The following ERCC1 variants were observed in gnomAD, a reference collection of about 807,000 sequenced individuals.
ERCC1 encodes the protein DNA excision repair protein ERCC-1.
ERCC1 carries 36 observed loss-of-function variants against 37.6 expected under a neutral mutation model. The ratio of observed to expected loss-of-function variants is 0.96; its 90% CI spans 0.73 to 1.26. The LOEUF (loss-of-function observed/expected upper bound fraction) is 1.26, where lower values mean the gene tolerates loss of function less well. ERCC1 is among the 50% of genes most tolerant of loss of function. The pLI is 0.00. For missense variants in ERCC1, 349 were observed against 376.5 expected (o/e 0.93, Z 0.60); for synonymous variants, 156 against 162.1 (o/e 0.96, Z 0.28).
chr19:45,447,697 G>A (rs769974736), intron 1 of ERCC1, among the ~76,000 whole-genome samples: 28 of 152,040 alleles, frequency 1.8e-4, no homozygotes, highest in Non-Finnish European at 2.9e-4. Context: ...TCTAACTGCC[G>A]CAGAATGACT....
At chr19:45,417,203 C>T (rs1206881445) in intron 5 of ERCC1, among the ~76,000 whole-genome samples, 1 of 152,210 alleles carries the variant, frequency 6.6e-6, no homozygotes, top group East Asian at 1.9e-4. Context: ...CTACTGGGTG[C>T]CTGGCCCGTG....
At chr19:45,423,662 C>T in intron 1 of ERCC1, 119 bp downstream of exon 1, 1 of 1,274,660 alleles carries the variant, frequency 7.8e-7, no homozygotes, top group Non-Finnish European at 1.0e-6. Context: ...TCCGTTCGTC[C>T]GGCCCCCGAG....
chr19:45,421,396 G>T lies in ERCC1; in HGVS notation c.106-3C>A. On this transcript the variant is annotated splice_polypyrimidine_tract_variant and splice_region_variant and intron_variant, in intron 2 of 9. Transcript: ENST00000300853. ...GTAGATCGGAATAAGGGCTTGGCCT[G>T]TGGGGAGAAAGGGAGTTTGCAGGGG... The T allele has an allele frequency of 1.3e-6, 2 of 1,580,010 alleles. No homozygotes were observed. Among genetic ancestry groups the T allele is most frequent in the South Asian group, 2.2e-5 (2 of 89,806 alleles).
At chr19:45,441,519 G>A (rs935401681) in intron 1 of ERCC1, among the ~76,000 whole-genome samples, 5 of 152,074 alleles carry the variant, frequency 3.3e-5, no homozygotes, top group South Asian at 2.1e-4. Flanking sequence ...GATTACAGGC[G>A]CCTGCTACCA....
At chr19:45,432,422 C>T (rs1460862419) in intron 1 of ERCC1, among the ~76,000 whole-genome samples, 1 of 151,990 alleles carries the variant, frequency 6.6e-6, no homozygotes, top group African/African-American at 2.4e-5. Context: ...AGGTTTACAC[C>T]ACTGCACCCA....
chr19:45,421,185 G>A lies in ERCC1; in HGVS notation c.314C>T (p.Pro105Leu). ...GAKSNSIIVSPRQRGNPVLKF... is the reference protein window; with the variant it reads ...GAKSNSIIVSLRQRGNPVLKF... Reference sequence around the variant, plus strand: ...CTCCGTCTCCCTCCTCACCTGCCGAGGGCTCACAATGATGCTGTTGGATTT... The same window carrying A: ...CTCCGTCTCCCTCCTCACCTGCCGAAGGCTCACAATGATGCTGTTGGATTT... The change falls in exon 3 of 10, where the codon CCT becomes CTT. Residue 105 changes from proline (P) to leucine (L), a missense_variant. Transcript: ENST00000300853. 9 of 1,614,062 alleles carry A rather than the reference G, an allele frequency of 5.6e-6. No individual in the cohort carries two copies. Among genetic ancestry groups the A allele is most frequent in the South Asian group, 1.1e-5 (1 of 91,076 alleles).
chr19:45,410,488 A>G (rs957558417), intron 9 of ERCC1: 5 of 151,560 alleles, frequency 3.3e-5, no homozygotes, highest in African/African-American at 1.2e-4. Context: ...CTGCCAAGTT[A>G]TTTTAAAATG....
At chr19:45,422,152 C>T (rs1045376536) in intron 2 of ERCC1, among the ~76,000 whole-genome samples, 1 of 152,136 alleles carries the variant, frequency 6.6e-6, no homozygotes, top group African/African-American at 2.4e-5. Context: ...ACTAAGTCCT[C>T]ATGTCCCTCC....
intron 1 of ERCC1, among the ~76,000 whole-genome samples, chr19:45,437,341 T>C (rs1472810188): frequency 1.3e-5 from 2 of 152,200 alleles, no homozygotes; most frequent in Admixed American, 6.6e-5. Flanking sequence ...CAGACTCATA[T>C]ACCTCTGGTT....
Position 45,420,570 on chromosome 19 carries a change from C to G in ERCC1, c.322-143G>C. ...CTCCTCGCACCTCTTCCCACACCTC[C>G]TCCCTCCTCCCACCTGTGGCAGGGT... On this transcript the variant is annotated intron_variant, in intron 3 of 9. Coordinates refer to ENST00000300853, the MANE Select transcript of ERCC1 (RefSeq NM_001983.4). The surrounding 1 kb of genome is among the most constrained non-coding windows in gnomAD (Gnocchi z 4.8). 1.5e-6 allele frequency: 1 copy of G among 689,024 alleles called. No individual in the cohort carries two copies. 42.7% of individuals were successfully genotyped at this position (689,024 alleles called of 1,614,324 possible).
chr19:45,435,389 G>C (rs1472780144), intron 1 of ERCC1, among the ~76,000 whole-genome samples: 1 of 152,204 alleles, frequency 6.6e-6, no homozygotes, highest in Non-Finnish European at 1.5e-5. Flanking sequence ...CACATAGCAG[G>C]TAAACAAACA....
intron 2 of ERCC1, 100 bp downstream of exon 2, chr19:45,423,170 C>CA: frequency 1.6e-6 from 2 of 1,242,104 alleles, no homozygotes; most frequent in Non-Finnish European, 2.3e-6. Context: ...CCGTGGCCCC[C>CA]AAATCCACTA....
rs113084259 is a variant in ERCC1, at chr19:45,437,185, G to T, written c.-7-13804C>A. Among the ~76,000 whole-genome samples the T allele has an allele frequency of 8.3e-3, 1,262 of 152,064 alleles. 18 individuals are homozygous for T. Among genetic ancestry groups the T allele is most frequent in the South Asian group, 0.034 (163 of 4,820 alleles). ...AATCGCTTGAACCCAGGAGGCAGAG[G>T]TTGCAGTGAGCCTTGATCACGCCAC... is the stretch of plus-strand genomic sequence containing the variant. On this transcript the variant is annotated intron_variant, in intron 1 of 8. Coordinates refer to the ERCC1 transcript ENST00000423698.
intron 9 of ERCC1, chr19:45,410,148 G>A (rs1026468176): frequency 1.3e-5 from 2 of 154,662 alleles, no homozygotes; most frequent in African/African-American, 4.9e-5. Context: ...CAGCCTCCCA[G>A]TGCTGGGATT....
chr19:45,427,446 T>TA (rs1436100838), upstream of ERCC1, among the ~76,000 whole-genome samples: 6 of 145,102 alleles, frequency 4.1e-5, no homozygotes, highest in African/African-American at 1.7e-4. Context: ...TTGTCTCTAC[T>TA]AAAAAATACA....
intron 1 of ERCC1, among the ~76,000 whole-genome samples, chr19:45,449,540 C>A (rs990601069): frequency 6.6e-6 from 1 of 152,048 alleles, no homozygotes; most frequent in African/African-American, 2.4e-5. Context: ...TTAGCCAGTG[C>A]CTATAGTCCC....
chr19:45,447,752 AC>A (rs753870055), intron 1 of ERCC1, among the ~76,000 whole-genome samples: 1 of 152,046 alleles, frequency 6.6e-6, no homozygotes, highest in Non-Finnish European at 1.5e-5. Flanking sequence ...CCTATTATGT[AC>A]CATGAGAACC....
At chr19:45,440,244 C>G (rs556283236) in intron 1 of ERCC1, among the ~76,000 whole-genome samples, 5 of 151,964 alleles carry the variant, frequency 3.3e-5, no homozygotes, top group Admixed American at 2.0e-4. Context: ...TCCCCTACAC[C>G]CCCAGCGATG....
At position 45,408,550 on chromosome 19, in the gene ERCC1, C is replaced by T. The variant is rs148142467; in HGVS notation, c.*1125G>A. On this transcript the variant is annotated 3_prime_UTR_variant, in exon 10 of 10. Coordinates refer to ENST00000300853, the MANE Select transcript of ERCC1 (RefSeq NM_001983.4). ...TCACTCAGGAGGCAGTGAATGGGCA[C>T]GGGGCCCTGGAGGTGGACATGGCTT... The T allele has an allele frequency of 9.9e-6, 16 of 1,613,568 alleles. No homozygotes were observed. The highest frequency in any genetic ancestry group is 8.0e-5 in the African/African-American group (6 of 74,804).
Sources: allele counts gnomAD v4.1 joint callset (sites outside exome capture counted in the v4.1 genomes callset), GRCh38; gene constraint gnomAD v4.1.1; non-coding constraint Gnocchi (gnomAD v3.1); transcripts MANE v1.5; gene names NCBI Gene and HGNC (gene_info 2026-07-23, HGNC 2026-07-21).